Variants in ST6GALNAC3 observed in about 807,000 individuals in gnomAD.
The protein encoded by ST6GALNAC3 is ST6 N-acetylgalactosaminide alpha-2,6-sialyltransferase 3, also known as alpha-N-acetylgalactosaminide alpha-2,6-sialyltransferase 3.
Under a neutral mutation model 32.7 loss-of-function variants are expected in ST6GALNAC3, and 25 were observed. The ratio of observed to expected loss-of-function variants is 0.76; its 90% CI spans 0.56 to 1.07. ST6GALNAC3 has a LOEUF of 1.07. Ranked by LOEUF, ST6GALNAC3 falls within the 50% of genes least tolerant of loss-of-function variation. ST6GALNAC3 has a pLI of 0.00. For missense variants in ST6GALNAC3, 355 were observed against 382.4 expected (o/e 0.93, Z 0.60); for synonymous variants, 129 against 133.1 (o/e 0.97, Z 0.21).
chr1:76,164,928 A>C (rs573321722), intron 1 of ST6GALNAC3, among the ~76,000 whole-genome samples: 2 of 152,320 alleles, frequency 1.3e-5, no homozygotes, highest in East Asian at 3.9e-4. Context: ...AGAGGGGACT[A>C]AAATGTGTGT....
intron 1 of ST6GALNAC3, among the ~76,000 whole-genome samples, chr1:76,216,096 G>T (rs1460904003): frequency 6.6e-6 from 1 of 152,010 alleles, no homozygotes; most frequent in Non-Finnish European, 1.5e-5. Context: ...TTTAAGCCCC[G>T]CCATGCACCA....
rs182981387 is a variant in ST6GALNAC3, at chr1:76,466,690, A to G, written c.623+54273A>G. 3.2e-3 allele frequency among the ~76,000 whole-genome samples: 492 copies of G among 152,218 alleles called. 1 individual carries two copies. Among genetic ancestry groups the G allele is most frequent in the Non-Finnish European group, 5.8e-3 (393 of 67,962 alleles). ...AGATGTTCACTGCAGAATTTTTTAT[A>G]CTAGTGAACAGTTAGAAACAACTAC... On this transcript the variant is annotated intron_variant, in intron 3 of 4. Coordinates refer to ENST00000328299, the MANE Select transcript of ST6GALNAC3 (RefSeq NM_152996.4).
At chr1:76,525,923 T>G (rs1662886108) in intron 3 of ST6GALNAC3, among the ~76,000 whole-genome samples, 1 of 149,820 alleles carries the variant, frequency 6.7e-6, no homozygotes, top group East Asian at 2.0e-4. Flanking sequence ...ACCTCTTTAA[T>G]ATGTACCTGT....
intron 1 of ST6GALNAC3, among the ~76,000 whole-genome samples, chr1:76,078,815 C>T (rs952058080): frequency 6.6e-6 from 1 of 152,074 alleles, no homozygotes; most frequent in African/African-American, 2.4e-5. Context: ...GAGTCTCACT[C>T]TGTTGCCCAG....
chr1:76,396,469 A>AAAAT (rs1199932343), intron 2 of ST6GALNAC3, among the ~76,000 whole-genome samples: 1 of 152,168 alleles, frequency 6.6e-6, no homozygotes, highest in Non-Finnish European at 1.5e-5. Flanking sequence ...TGTCTCAAGG[A>AAAAT]AAATAAATAA....
intron 2 of ST6GALNAC3, among the ~76,000 whole-genome samples, chr1:76,368,204 A>C (rs1432523142): frequency 6.6e-6 from 1 of 152,200 alleles, no homozygotes; most frequent in Non-Finnish European, 1.5e-5. Flanking sequence ...GAAAACCAGC[A>C]CAAAACCATC....
At chr1:76,525,785 GTGTGTGTATA>G (rs1293097745) in intron 3 of ST6GALNAC3, among the ~76,000 whole-genome samples, 1 of 73,530 alleles carries the variant, frequency 1.4e-5, no homozygotes, top group Non-Finnish European at 3.0e-5. Context: ...GTGTGTGTGT[GTGTGTGTATA>G]TATATATATA....
intron 1 of ST6GALNAC3, among the ~76,000 whole-genome samples, chr1:76,185,448 T>G (rs1285211410): frequency 2.6e-5 from 4 of 152,172 alleles, no homozygotes; most frequent in African/African-American, 9.7e-5. Flanking sequence ...GCCTGGAACA[T>G]AGTCAGCACT....
intron 1 of ST6GALNAC3, among the ~76,000 whole-genome samples, chr1:76,294,556 A>C (rs1557761470): frequency 6.6e-6 from 1 of 152,098 alleles, no homozygotes; most frequent in Non-Finnish European, 1.5e-5. Flanking sequence ...ACCTGCCCGG[A>C]ATAAAACTGT....
intron 1 of ST6GALNAC3, among the ~76,000 whole-genome samples, chr1:76,153,543 G>A (rs1651189740): frequency 6.6e-6 from 1 of 152,132 alleles, no homozygotes. Context: ...TTGGGGAGGG[G>A]ATTTCAAGCA....
At chr1:76,231,296 G>A (rs1310329633) in intron 1 of ST6GALNAC3, among the ~76,000 whole-genome samples, 1 of 152,104 alleles carries the variant, frequency 6.6e-6, no homozygotes, top group African/African-American at 2.4e-5. Context: ...CCAAGCAAAT[G>A]TTTGTTTTTT....
intron 3 of ST6GALNAC3, among the ~76,000 whole-genome samples, chr1:76,497,168 A>AG (rs1405490262): frequency 6.6e-6 from 1 of 152,128 alleles, no homozygotes; most frequent in Non-Finnish European, 1.5e-5. Context: ...TTGGAGTGGG[A>AG]GGAAATGTAG....
intron 1 of ST6GALNAC3, among the ~76,000 whole-genome samples, chr1:76,155,301 C>T (rs75587116): frequency 0.022 from 3,299 of 152,196 alleles, 104 homozygotes; most frequent in African/African-American, 0.076. Context: ...TACACTGGAG[C>T]CATGAGTACT....
At position 76,426,636 on chromosome 1, in the gene ST6GALNAC3, A is replaced by G. The variant is rs560912035; in HGVS notation, c.623+14219A>G. Reference sequence around the variant, plus strand: ...CCCTCTAAAATAATGATGAAAAATAAAGTAAATACATAAGCCTAGTAACAT... The same window carrying G: ...CCCTCTAAAATAATGATGAAAAATAGAGTAAATACATAAGCCTAGTAACAT... On this transcript the variant is annotated intron_variant, in intron 3 of 4. Coordinates refer to ENST00000328299, the MANE Select transcript of ST6GALNAC3 (RefSeq NM_152996.4). 2.6e-5 allele frequency among the ~76,000 whole-genome samples: 4 copies of G among 151,888 alleles called. No individual in the cohort carries two copies. In the East Asian group the frequency reaches 7.7e-4, roughly 29 times the overall value.
intron 2 of ST6GALNAC3, among the ~76,000 whole-genome samples, chr1:76,355,213 C>T (rs963477717): frequency 5.3e-5 from 8 of 152,086 alleles, no homozygotes; most frequent in African/African-American, 1.9e-4. Flanking sequence ...AAGCTTATTA[C>T]TAAGCAGCTT....
At chr1:76,573,250 T>C (rs549220572) in intron 3 of ST6GALNAC3, among the ~76,000 whole-genome samples, 205 of 152,210 alleles carry the variant, frequency 1.3e-3, no homozygotes, top group African/African-American at 4.7e-3. Flanking sequence ...ACCTTTCCGG[T>C]CCTCTTACAA....
At chr1:76,206,903 G>A (rs1287318653) in intron 1 of ST6GALNAC3, among the ~76,000 whole-genome samples, 2 of 152,044 alleles carry the variant, frequency 1.3e-5, no homozygotes, top group Non-Finnish European at 2.9e-5. Flanking sequence ...AGCACTTTTC[G>A]TCCCTCTAAA....
At chr1:76,108,319 C>CT (rs373509928) in intron 1 of ST6GALNAC3, among the ~76,000 whole-genome samples, 62 of 152,302 alleles carry the variant, frequency 4.1e-4, no homozygotes, top group African/African-American at 1.5e-3. Context: ...GCTACAGGCT[C>CT]TTTTTTTCAC....
chr1:76,469,718 G>A (rs74089956), intron 3 of ST6GALNAC3, among the ~76,000 whole-genome samples: 3,043 of 152,124 alleles, frequency 0.02, 98 homozygotes, highest in African/African-American at 0.069. Flanking sequence ...CCAAAGTCTT[G>A]GCAATGTAAT....
Sources: gnomAD v4.1 joint callset for allele counts (sites outside exome capture counted in the v4.1 genomes callset) on GRCh38, gnomAD v4.1.1 for gene constraint, MANE v1.5 for transcripts, NCBI Gene and HGNC (gene_info 2026-07-23, HGNC 2026-07-21) for gene names.